The following SMG6 variants were observed in gnomAD, a reference collection of about 807,000 sequenced individuals.
SMG6 encodes the protein SMG6 nonsense mediated mRNA decay factor.
A neutral mutation model predicts 142.2 loss-of-function variants in SMG6; 66 were observed. That is an observed-to-expected ratio of 0.46 (90% CI 0.38 to 0.57). SMG6 has a LOEUF of 0.57. Ranked by LOEUF, SMG6 falls within the 20% of genes least tolerant of loss-of-function variation. SMG6 has a pLI of 0.00. For missense variants in SMG6, 1,793 were observed against 1,832.0 expected (o/e 0.98, Z 0.39); for synonymous variants, 779 against 702.4 (o/e 1.11, Z -1.72).
At chr17:2,119,198 T>G (rs756760183) in intron 13 of SMG6, among the ~76,000 whole-genome samples, 4 of 151,570 alleles carry the variant, frequency 2.6e-5, no homozygotes, top group Non-Finnish European at 4.4e-5. Context: ...GCTGGGATTA[T>G]AGGCATGTGC....
chr17:2,089,246 T>C (rs1206161802), intron 13 of SMG6, among the ~76,000 whole-genome samples: 1 of 152,154 alleles, frequency 6.6e-6, no homozygotes, highest in East Asian at 1.9e-4. Context: ...GGGCAAACTC[T>C]GGATCCTCCA....
intron 10 of SMG6, among the ~76,000 whole-genome samples, chr17:2,195,729 T>C (rs1350550868): frequency 2.6e-5 from 4 of 152,086 alleles, no homozygotes; most frequent in Non-Finnish European, 5.9e-5. Flanking sequence ...TACAAAAGGA[T>C]TGCCTGAGTA....
At chr17:2,151,885 G>C (rs2070837643) in intron 13 of SMG6, among the ~76,000 whole-genome samples, 1 of 152,216 alleles carries the variant, frequency 6.6e-6, no homozygotes, top group African/African-American at 2.4e-5. Flanking sequence ...GCAGAACCCT[G>C]TGTGTCAGAA....
chr17:2,261,313 C>CAAAAA, intron 8 of SMG6, among the ~76,000 whole-genome samples: 1 of 134,290 alleles, frequency 7.4e-6, no homozygotes, highest in Non-Finnish European at 1.6e-5. Context: ...GACTCCGTCT[C>CAAAAA]AAAAAAAAAA....
intron 1 of SMG6, chr17:2,303,371 A>T: frequency 8.2e-7 from 1 of 1,225,494 alleles, no homozygotes; most frequent in Non-Finnish European, 1.0e-6. Context: ...CAAAAGGAAC[A>T]GTCACCTTCG....
Position 2,208,383 on chromosome 17 carries a change from C to A in SMG6, c.2870-19868G>T, listed in dbSNP as rs372086439. On this transcript the variant is annotated intron_variant, in intron 10 of 18. Coordinates refer to ENST00000263073, the MANE Select transcript of SMG6 (RefSeq NM_017575.5). ...ACCTGTAGAAATACTGTAACACTCA[C>A]CAGGTATGTGGGCTCACAGCTGTCC... 7.2e-5 allele frequency among the ~76,000 whole-genome samples: 11 copies of A among 152,272 alleles called. No homozygotes were observed. In the South Asian group the frequency reaches 2.3e-3, roughly 32 times the overall value.
At chr17:2,183,641 G>A (rs1464585519) in intron 12 of SMG6, among the ~76,000 whole-genome samples, 4 of 152,084 alleles carry the variant, frequency 2.6e-5, no homozygotes, top group African/African-American at 4.8e-5. Flanking sequence ...ATTTTCATGA[G>A]TCATGAAATA....
chr17:2,124,848 G>A (rs1271169512), intron 13 of SMG6, among the ~76,000 whole-genome samples: 2 of 152,106 alleles, frequency 1.3e-5, no homozygotes, highest in East Asian at 3.8e-4. Flanking sequence ...TAACGTGCAG[G>A]CATCTCTTAG....
chr17:2,068,679 C>T lies in SMG6; in HGVS notation c.3835+99G>A. 1 of 1,291,066 alleles carries T rather than the reference C, an allele frequency of 7.7e-7. No individual in the cohort carries two copies. The highest frequency in any genetic ancestry group is 1.1e-6 in the Non-Finnish European group (1 of 932,324). 80.0% of individuals were successfully genotyped at this position (1,291,066 alleles called of 1,614,324 possible). A position where few individuals can be genotyped will look rare whatever the true frequency, so the allele number is the denominator to read the frequency against. On this transcript the variant is annotated intron_variant, in intron 16 of 18. Coordinates refer to ENST00000263073, the MANE Select transcript of SMG6 (RefSeq NM_017575.5). The surrounding 1 kb of genome is among the most constrained non-coding windows in gnomAD (Gnocchi z 6.7). ...CTGCAAATCCCATCTTACACACGCA[C>T]AGCAGGGCTCTGCCTGCCTGGCCCC...
intron 13 of SMG6, among the ~76,000 whole-genome samples, chr17:2,161,834 TG>T (rs2071188625): frequency 6.6e-6 from 1 of 152,232 alleles, no homozygotes; most frequent in Non-Finnish European, 1.5e-5. Flanking sequence ...GGAAAGATGC[TG>T]ATAAATTCAG....
At chr17:2,168,705 C>T (rs1283631830) in intron 13 of SMG6, among the ~76,000 whole-genome samples, 4 of 151,834 alleles carry the variant, frequency 2.6e-5, no homozygotes, top group East Asian at 2.0e-4. Flanking sequence ...GGTGAGACCC[C>T]GTCTCTATTA....
At chr17:2,079,639 G>A (rs890641100) in intron 15 of SMG6, among the ~76,000 whole-genome samples, 3 of 151,894 alleles carry the variant, frequency 2.0e-5, no homozygotes, top group Non-Finnish European at 4.4e-5. Flanking sequence ...AGAAGCATGA[G>A]GATAAAGCTG....
chr17:2,140,962 CT>C (rs2070461141), intron 13 of SMG6, among the ~76,000 whole-genome samples: 1 of 152,184 alleles, frequency 6.6e-6, no homozygotes, highest in Admixed American at 6.5e-5. Flanking sequence ...GAGGTAGGGC[CT>C]AAAACATTAC....
chr17:2,090,846 T>A (rs2068697276), intron 13 of SMG6, among the ~76,000 whole-genome samples: 1 of 152,226 alleles, frequency 6.6e-6, no homozygotes, highest in Non-Finnish European at 1.5e-5. Context: ...TATAGCTTGT[T>A]AATTTTACAG....
chr17:2,263,844 C>T (rs898238272), intron 8 of SMG6, among the ~76,000 whole-genome samples: 1 of 152,164 alleles, frequency 6.6e-6, no homozygotes, highest in Non-Finnish European at 1.5e-5. Context: ...AGCTCAAATA[C>T]ATCAGATCTA....
chr17:2,245,530 A>G lies in SMG6; in HGVS notation c.2662-811T>C, dbSNP rs1034645582. 7.9e-5 allele frequency among the ~76,000 whole-genome samples: 12 copies of G among 152,048 alleles called. No homozygotes were observed. The East Asian group carries it at 2.3e-3, about 29-fold the overall frequency. ...CACTCAAGTAGCTGGGATTACAGGC[A>G]TGCACCCCCATAATCGGCTAATTTT... On this transcript the variant is annotated intron_variant, in intron 8 of 18. Coordinates refer to ENST00000263073, the MANE Select transcript of SMG6 (RefSeq NM_017575.5).
At chr17:2,219,803 C>CAAAAAAAAAA (rs72234069) in intron 10 of SMG6, among the ~76,000 whole-genome samples, 10 of 118,032 alleles carry the variant, frequency 8.5e-5, no homozygotes, top group East Asian at 2.8e-4. Context: ...GACCCTTTAT[C>CAAAAAAAAAA]AAAAAAAAAA....
Position 2,224,784 on chromosome 17 carries a change from C to T in SMG6, c.2869+11708G>A, listed in dbSNP as rs184315951. Among the ~76,000 whole-genome samples, 14 of 152,254 alleles carry T rather than the reference C, an allele frequency of 9.2e-5. No individual in the cohort carries two copies. The East Asian group carries it at 1.4e-3, about 15-fold the overall frequency. On this transcript the variant is annotated intron_variant, in intron 10 of 18. Coordinates refer to ENST00000263073, the MANE Select transcript of SMG6 (RefSeq NM_017575.5). ...GTTACATGAAGCCCGACAAATACTTCGCAGGAATAATTTTTAAAAATCCAA... is the reference window on the plus strand; with the variant it reads ...GTTACATGAAGCCCGACAAATACTTTGCAGGAATAATTTTTAAAAATCCAA...
intron 8 of SMG6, among the ~76,000 whole-genome samples, chr17:2,265,720 A>C (rs1289632986): frequency 6.6e-6 from 1 of 152,234 alleles, no homozygotes; most frequent in Admixed American, 6.5e-5. Context: ...AACTCCTGAC[A>C]TAAGAATGTA....
Sources: allele counts gnomAD v4.1 joint callset (sites outside exome capture counted in the v4.1 genomes callset), GRCh38; gene constraint gnomAD v4.1.1; non-coding constraint Gnocchi (gnomAD v3.1); transcripts MANE v1.5; gene names NCBI Gene and HGNC (gene_info 2026-07-23, HGNC 2026-07-21).